NEK9: variants seen among roughly 807,000 people sequenced by gnomAD.
NEK9 encodes the protein serine/threonine-protein kinase Nek9.
NEK9 carries 75 observed loss-of-function variants against 123.4 expected under a neutral mutation model. That is an observed-to-expected ratio of 0.61 (90% CI 0.50 to 0.74). The LOEUF is 0.74. Ranked by LOEUF, NEK9 falls within the 30% of genes least tolerant of loss-of-function variation. The pLI is 0.00. For synonymous variants in NEK9, 438 were observed against 458.7 expected (o/e 0.95, Z 0.58); for missense variants, 952 against 1,214.4 (o/e 0.78, Z 3.21).
At chr14:75,091,121 A>ATCCTTT in intron 19 of NEK9, 149 bp downstream of exon 19, 2 of 584,264 alleles carry the variant, frequency 3.4e-6, no homozygotes, top group Non-Finnish European at 5.6e-6. Context: ...TGATTAGGCA[A>ATCCTTT]TTTCTTTCCA....
At chr14:75,108,526 T>C (rs566910651) in intron 10 of NEK9, among the ~76,000 whole-genome samples, 22 of 54,402 alleles carry the variant, frequency 4.0e-4, no homozygotes, top group African/African-American at 1.2e-3. Context: ...TGTGTGTGTG[T>C]GTGTGTGTGT....
chr14:75,098,899 A>G (rs1045661638), intron 16 of NEK9, among the ~76,000 whole-genome samples: 19 of 152,224 alleles, frequency 1.2e-4, no homozygotes, highest in Admixed American at 2.0e-4. Context: ...CACTAAATTT[A>G]TCTTCAGTGA....
In NEK9 at chr14:75,114,220, G is replaced by T; in HGVS notation, c.856C>A (p.His286Asn). 6.2e-7 allele frequency: 1 copy of T among 1,613,306 alleles called. No homozygotes were observed. Among genetic ancestry groups the T allele is most frequent in the Non-Finnish European group, 8.5e-7 (1 of 1,179,266 alleles). The change falls in exon 7 of 22, where the codon CAT (histidine) becomes AAT (asparagine). Residue 286 changes from histidine to asparagine, a missense_variant. Coordinates refer to ENST00000238616, the MANE Select transcript of NEK9 (RefSeq NM_033116.6). ...QYSLELIQMVHSCLDQDPEQR... is the reference protein window; with the variant it reads ...QYSLELIQMVNSCLDQDPEQR... ...ACACCTACCTGGTCAAGGCACGAAT[G>T]AACCATTTGGATCAATTCCAAAGAG...
intron 17 of NEK9, among the ~76,000 whole-genome samples, chr14:75,096,239 T>G (rs1393664856): frequency 8.9e-5 from 11 of 123,912 alleles, no homozygotes; most frequent in African/African-American, 3.4e-4. Flanking sequence ...ATCGCACCAC[T>G]GCGCTCCAGC....
rs550831084 is a variant in NEK9 at position 75,083,707 on chromosome 14, C to A, written c.*857G>T. On this transcript the variant is annotated 3_prime_UTR_variant, in exon 22 of 22. Transcript: ENST00000238616. Reference sequence around the variant, plus strand: ...CCCTCTCTAAGATACCAAGTAGAGGCAGCTAAAGGAGGACCTCTTCTCCTT... The same window carrying A: ...CCCTCTCTAAGATACCAAGTAGAGGAAGCTAAAGGAGGACCTCTTCTCCTT... 1 of 152,302 alleles carries A rather than the reference C, an allele frequency of 6.6e-6. No homozygotes were observed. Among genetic ancestry groups the A allele is most frequent in the South Asian group, 2.1e-4 (1 of 4,816 alleles). The allele number at this position is 152,302 out of a possible 1,614,324, so 9.4% of individuals were successfully genotyped here. A position where few individuals can be genotyped will look rare whatever the true frequency, so the allele number is the denominator to read the frequency against.
chr14:75,085,023 T>G (rs1256158215), intron 21 of NEK9: 1 of 267,380 alleles, frequency 3.7e-6, no homozygotes, highest in Non-Finnish European at 7.5e-6. Flanking sequence ...TGTGTGTTTT[T>G]GAGACAGGGT....
At position 75,127,027 on chromosome 14, in the gene NEK9, C is replaced by T. The variant is rs911491367; in HGVS notation, c.-106G>A. The T allele has an allele frequency of 4.2e-6, 4 of 941,482 alleles. No individual in the cohort carries two copies. Among genetic ancestry groups the T allele is most frequent in the African/African-American group, 3.5e-5 (2 of 56,526 alleles). 58.3% of individuals were successfully genotyped at this position (941,482 alleles called of 1,614,324 possible). A position where few individuals can be genotyped will look rare whatever the true frequency, so the allele number is the denominator to read the frequency against. ...CCGGCCCGCGGATCCGTCAGCCCAG[C>T]AACCCCGCGAAGCTCGATGGTGGCT... On this transcript the variant is annotated 5_prime_UTR_variant, in exon 1 of 22. Coordinates refer to ENST00000238616, the MANE Select transcript of NEK9 (RefSeq NM_033116.6).
rs1422459984 is a variant in NEK9, at chr14:75,083,643, G to C, written c.*921C>G. The C allele has an allele frequency of 6.6e-6, 1 of 152,242 alleles. No individual in the cohort carries two copies. Among genetic ancestry groups the C allele is most frequent in the African/African-American group, 2.4e-5 (1 of 41,472 alleles). The allele number at this position is 152,242 out of a possible 1,614,324, so 9.4% of individuals were successfully genotyped here. ...AGAGCCATGAAGGCAGAGGCTCAAA[G>C]AAGTCTTTTCATGGGCAGAAGACTG... On this transcript the variant is annotated 3_prime_UTR_variant, in exon 22 of 22. Transcript: ENST00000238616.
intron 16 of NEK9, among the ~76,000 whole-genome samples, chr14:75,098,327 A>G (rs1894456832): frequency 6.6e-6 from 1 of 151,984 alleles, no homozygotes; most frequent in African/African-American, 2.4e-5. Context: ...TTAAAAAAAA[A>G]TGAAACAGGG....
At chr14:75,122,838 C>T (rs2139810803) in intron 2 of NEK9, among the ~76,000 whole-genome samples, 1 of 146,582 alleles carries the variant, frequency 6.8e-6, no homozygotes, top group South Asian at 2.2e-4. Context: ...CTCCATCGCC[C>T]AGGCTGGAGT....
intron 16 of NEK9, among the ~76,000 whole-genome samples, chr14:75,100,332 G>T (rs1894533372): frequency 2.0e-5 from 3 of 151,982 alleles, no homozygotes. Context: ...TGTAATCCCA[G>T]CTACTCGGGA....
chr14:75,094,100 T>G (rs536765673), intron 18 of NEK9, among the ~76,000 whole-genome samples: 1 of 152,214 alleles, frequency 6.6e-6, no homozygotes, highest in Non-Finnish European at 1.5e-5. Flanking sequence ...AGATCTTCAG[T>G]CAGTTTTGAC....
At chr14:75,115,163 TGGAGTGCA>T (rs1895100188) in intron 6 of NEK9, among the ~76,000 whole-genome samples, 1 of 150,938 alleles carries the variant, frequency 6.6e-6, no homozygotes, top group African/African-American at 2.4e-5. Context: ...TCACCCAGGC[TGGAGTGCA>T]GTGACACGAT....
rs150506165 is a variant in NEK9 at position 75,111,777 on chromosome 14, G to A, written c.939-1406C>T. On this transcript the variant is annotated intron_variant, in intron 8 of 21. Coordinates refer to ENST00000238616, the MANE Select transcript of NEK9 (RefSeq NM_033116.6). ...GTGGTGGCGCCTGCCTGTAGTCCCAGCTACCCGAGAGGCTAAGGCAGGAGA... is the reference window on the plus strand; with the variant it reads ...GTGGTGGCGCCTGCCTGTAGTCCCAACTACCCGAGAGGCTAAGGCAGGAGA... 9.9e-3 allele frequency among the ~76,000 whole-genome samples: 1,513 copies of A among 152,266 alleles called. 20 individuals are homozygous for A. Among genetic ancestry groups the A allele is most frequent in the African/African-American group, 0.032 (1,328 of 41,556 alleles).
At chr14:75,115,242 A>G (rs937448525) in intron 6 of NEK9, among the ~76,000 whole-genome samples, 1 of 152,058 alleles carries the variant, frequency 6.6e-6, no homozygotes, top group Non-Finnish European at 1.5e-5. Context: ...CAGCCTCCTG[A>G]GTAGCTGGGA....
Position 75,106,683 on chromosome 14 carries a change from G to A in NEK9, c.1347C>T (p.Ala449=). The change falls in exon 12 of 22, where the codon GCC becomes GCT. Residue 449 remains alanine (A), a synonymous_variant. Coordinates refer to ENST00000238616, the MANE Select transcript of NEK9 (RefSeq NM_033116.6). ...TGCAGCCATAATAATCTGATCCGAA[G>A]GCATAGAGCTGACCCTCATCTGCAA... ...VCVTDEGQLY[A]FGSDYYGCMG... 1 of 1,613,384 alleles carries A rather than the reference G, an allele frequency of 6.2e-7. No homozygotes were observed. The highest frequency in any genetic ancestry group is 1.7e-5 in the Admixed American group (1 of 59,998).
chr14:75,100,427 C>T (rs1212480921), intron 16 of NEK9, among the ~76,000 whole-genome samples: 2 of 152,104 alleles, frequency 1.3e-5, no homozygotes, highest in Non-Finnish European at 2.9e-5. Flanking sequence ...GCCTGGGCAA[C>T]AAGAGCGAAA....
intron 16 of NEK9, among the ~76,000 whole-genome samples, chr14:75,100,128 CAAAAAAAAAAAAAAAAAAAAAAAA>C (rs71119346): frequency 1.7e-3 from 27 of 15,630 alleles, no homozygotes; most frequent in African/African-American, 4.1e-3. Context: ...GACTCCATCT[CAAAAAAAAAAAAAAAAAAAAAAAA>C]AAAAAAAAAA....
chr14:75,123,567 G>C (rs1489783165), intron 2 of NEK9, among the ~76,000 whole-genome samples: 1 of 152,108 alleles, frequency 6.6e-6, no homozygotes, highest in African/African-American at 2.4e-5. Flanking sequence ...AAAATGATGT[G>C]AAGAAATCAG....
Sources: allele counts gnomAD v4.1 joint callset (sites outside exome capture counted in the v4.1 genomes callset), GRCh38; gene constraint gnomAD v4.1.1; transcripts MANE v1.5; gene names NCBI Gene and HGNC (gene_info 2026-07-23, HGNC 2026-07-21).